Variants in DYRK2 observed in about 807,000 individuals in gnomAD.
DYRK2 encodes the protein dual specificity tyrosine phosphorylation regulated kinase 2.
DYRK2 carries 12 observed loss-of-function variants against 41.6 expected under a neutral mutation model. The ratio of observed to expected loss-of-function variants is 0.29; its 90% CI spans 0.18 to 0.47. DYRK2 has a LOEUF of 0.47. DYRK2 is among the 20% of genes least tolerant of loss of function. The pLI, the probability that DYRK2 is intolerant of heterozygous loss-of-function variation, is 1.00. For synonymous variants in DYRK2, 322 were observed against 315.7 expected, an observed-to-expected ratio of 1.02 and a Z score of -0.21; for missense variants, 678 against 798.4, an observed-to-expected ratio of 0.85 and a Z score of 1.82.
intron 1 of DYRK2, 28 bp from the exon 2 acceptor site, chr12:67,649,767 CTT>C (rs1872255591): frequency 7.6e-7 from 1 of 1,312,258 alleles, no homozygotes; most frequent in Admixed American, 3.1e-5. Context: ...CCCTGACCCT[CTT>C]TTGTCTCCTC....
chr12:67,658,404 G>C lies in DYRK2; in HGVS notation c.1497G>C (p.Ala499=). ...GPPESREWGN[A]LKGCDDPLFL... ...CGGAGAGCAGAGAGTGGGGGAACGC[G>C]CTGAAGGGGTGTGATGATCCCCTTT... Residue 499 remains alanine, a synonymous_variant, in exon 3 of 3, where the codon GCG becomes GCC. Transcript: ENST00000344096. This position sits in a 1 kb window ranked among gnomAD's most constrained non-coding sequence, Gnocchi z 4.3. 2 of 1,598,214 alleles carry C rather than the reference G, an allele frequency of 1.3e-6. No homozygotes were observed. Among genetic ancestry groups the C allele is most frequent in the Non-Finnish European group, 1.7e-6 (2 of 1,172,882 alleles).
rs940772065 is a variant in DYRK2, at chr12:67,664,829, C to G, written c.*6116C>G. The G allele has an allele frequency of 6.6e-6, 1 of 152,158 alleles. No individual in the cohort carries two copies. The highest frequency in any genetic ancestry group is 2.1e-4 in the South Asian group (1 of 4,832). 9.4% of individuals were successfully genotyped at this position (152,158 alleles called of 1,614,324 possible). A position where few individuals can be genotyped will look rare whatever the true frequency, so the allele number is the denominator to read the frequency against. On this transcript the variant is annotated 3_prime_UTR_variant, in exon 3 of 3. Transcript: ENST00000344096. ...ATAACTTAATGCATGTGCACACACC[C>G]TCAGTTAATTTGTAAGAGAGTGACT... is the stretch of plus-strand genomic sequence containing the variant.
intron 2 of DYRK2, 101 bp downstream of exon 2, chr12:67,650,046 C>T: frequency 8.4e-6 from 10 of 1,187,920 alleles, no homozygotes; most frequent in Non-Finnish European, 1.1e-5. Flanking sequence ...GAAGAGGGGT[C>T]GAGATACAAG....
At chr12:67,651,378 A>T in intron 2 of DYRK2, 1 of 309,214 alleles carries the variant, frequency 3.2e-6, no homozygotes, top group Non-Finnish European at 6.3e-6. Flanking sequence ...TGGAAAAAGA[A>T]CTATTTGGTT....
In DYRK2 at chr12:67,657,310, G is replaced by C; in HGVS notation, c.403G>C (p.Gly135Arg). The C allele has an allele frequency of 6.2e-7, 1 of 1,613,842 alleles. No homozygotes were observed. The highest frequency in any genetic ancestry group is 1.3e-5 in the African/African-American group (1 of 74,978). Residue 135 changes from glycine (G) to arginine (R), a missense_variant, in exon 3 of 3, where the codon GGG becomes CGG. Physicochemically the swap from Gly to Arg is moderately radical, Grantham distance 125. Transcript: ENST00000344096. This position sits in a 1 kb window ranked among gnomAD's most constrained non-coding sequence, Gnocchi z 4.8. ...GCTGGACAGCATTCATAGACGGCAG[G>C]GGAGCTCCACCTCTCTAAAGTCCAT... ...RQLDSIHRRQGSSTSLKSMEG... is the reference protein window; with the variant it reads ...RQLDSIHRRQRSSTSLKSMEG...
chr12:67,649,052 C>T lies in DYRK2; in HGVS notation c.-82C>T. 1 of 1,167,616 alleles carries T rather than the reference C, an allele frequency of 8.6e-7. No homozygotes were observed. The highest frequency in any genetic ancestry group is 1.1e-6 in the Non-Finnish European group (1 of 882,092). The allele number at this position is 1,167,616 out of a possible 1,614,324, so 72.3% of individuals were successfully genotyped here. On this transcript the variant is annotated 5_prime_UTR_variant, in exon 1 of 3. Coordinates refer to ENST00000344096, the MANE Select transcript of DYRK2 (RefSeq NM_006482.3). Reference sequence around the variant, plus strand: ...ACCCGCGCGAGGGGCGGCCGGGAGGCGGCGGCGGCGGCCGCCAGAAGTAGC... The same window carrying T: ...ACCCGCGCGAGGGGCGGCCGGGAGGTGGCGGCGGCGGCCGCCAGAAGTAGC...
chr12:67,657,109 G>A lies in DYRK2; in HGVS notation c.202G>A (p.Gly68Ser). 7 of 1,543,802 alleles carry A rather than the reference G, an allele frequency of 4.5e-6. No individual in the cohort carries two copies. The highest frequency in any genetic ancestry group is 6.1e-6 in the Non-Finnish European group (7 of 1,144,852). The change falls in exon 3 of 3, where the codon GGC (glycine) becomes AGC (serine). Residue 68 changes from glycine (G) to serine (S), a missense_variant. Physicochemically the swap from Gly to Ser is moderately conservative, Grantham distance 56. Around this residue, in one of 2 missense-constraint regions of DYRK2, gnomAD observed 285 missense variants for 279.2 expected, o/e 1.02. Transcript: ENST00000344096. The surrounding 1 kb of genome is among the most constrained non-coding windows in gnomAD (Gnocchi z 4.8). ...ATATTTCCTGTCTGAATTCCAGATT[G>A]GCGGCAGTAAGCACACAATGAATGA... is the stretch of plus-strand genomic sequence containing the variant. ...SNAAAAAHTI[G>S]GSKHTMNDHL...
chr12:67,660,226 A>G lies in DYRK2; in HGVS notation c.*1513A>G, dbSNP rs1872585917. 6.0e-6 allele frequency: 1 copy of G among 167,072 alleles called. No homozygotes were observed. The highest frequency in any genetic ancestry group is 1.5e-5 in the Non-Finnish European group (1 of 68,106). 10.3% of individuals were successfully genotyped at this position (167,072 alleles called of 1,614,324 possible). A position where few individuals can be genotyped will look rare whatever the true frequency, so the allele number is the denominator to read the frequency against. ...GTTTTGGGTAGTACAGATTAGGATA[A>G]GTAAGCTTATATATGCACAGAGATT... On this transcript the variant is annotated 3_prime_UTR_variant, in exon 3 of 3. Coordinates refer to ENST00000344096, the MANE Select transcript of DYRK2 (RefSeq NM_006482.3).
chr12:67,654,918 G>A (rs991569519), intron 2 of DYRK2, among the ~76,000 whole-genome samples: 16 of 152,240 alleles, frequency 1.1e-4, no homozygotes, highest in African/African-American at 3.9e-4. Context: ...TTCAGGATCA[G>A]TTGCAGGGGG....
chr12:67,660,146 A>G lies in DYRK2; in HGVS notation c.*1433A>G, dbSNP rs1219452833. 6.0e-6 allele frequency: 1 copy of G among 167,030 alleles called. No individual in the cohort carries two copies. Among genetic ancestry groups the G allele is most frequent in the Non-Finnish European group, 1.5e-5 (1 of 68,106 alleles). The allele number at this position is 167,030 out of a possible 1,614,324, so 10.3% of individuals were successfully genotyped here. A position where few individuals can be genotyped will look rare whatever the true frequency, so the allele number is the denominator to read the frequency against. On this transcript the variant is annotated 3_prime_UTR_variant, in exon 3 of 3. Coordinates refer to ENST00000344096, the MANE Select transcript of DYRK2 (RefSeq NM_006482.3). ...ATCAATTTCAAGGCACGTGAAAAAA[A>G]TTTTTTAGTATGTGCAATTTAATAT...
chr12:67,649,606 C>T lies in DYRK2; in HGVS notation c.50-191C>T, dbSNP rs906164640. The T allele has an allele frequency of 4.1e-5, 27 of 653,268 alleles. No homozygotes were observed. In the Admixed American group the frequency reaches 1.2e-3, roughly 29 times the overall value. The allele number at this position is 653,268 out of a possible 1,614,324, so 40.5% of individuals were successfully genotyped here. A position where few individuals can be genotyped will look rare whatever the true frequency, so the allele number is the denominator to read the frequency against. On this transcript the variant is annotated intron_variant, in intron 1 of 2. Transcript: ENST00000344096. ...CGCGCCAGGGCCCCACTTAACTTTGCAGCTGCCCGCGCCCCGCCCGTGGGT... is the reference window on the plus strand; with the variant it reads ...CGCGCCAGGGCCCCACTTAACTTTGTAGCTGCCCGCGCCCCGCCCGTGGGT...
chr12:67,651,681 T>TG, intron 2 of DYRK2: 1 of 453,626 alleles, frequency 2.2e-6, no homozygotes, highest in Non-Finnish European at 4.4e-6. Context: ...GTTTCGATGG[T>TG]GGTTTAGTTT....
intron 1 of DYRK2, among the ~76,000 whole-genome samples, chr12:67,649,390 G>C (rs1009231229): frequency 2.6e-5 from 4 of 151,732 alleles, no homozygotes; most frequent in African/African-American, 9.7e-5. Context: ...TCGGCCCGAA[G>C]AGGCTTCTGC....
At position 67,657,378 on chromosome 12, in the gene DYRK2, A is replaced by G. The variant is rs780144360; in HGVS notation, c.471A>G (p.Glu157=). 2.5e-6 allele frequency: 4 copies of G among 1,614,090 alleles called. No individual in the cohort carries two copies. The highest frequency in any genetic ancestry group is 2.7e-5 in the African/African-American group (2 of 74,934). Residue 157 remains glutamate (E), a synonymous_variant, in exon 3 of 3, where the codon GAA becomes GAG. Transcript: ENST00000344096. The surrounding 1 kb of genome is among the most constrained non-coding windows in gnomAD (Gnocchi z 4.8). ...TGAAAGCCACCCCCATGACACCTGA[A>G]CAAGCAATGAAGCAATACATGCAAA... ...GKVKATPMTP[E]QAMKQYMQKL...
rs947878294 is a variant in DYRK2 at position 67,657,609 on chromosome 12, G to T, written c.702G>T (p.Gly234=). 29 of 1,613,980 alleles carry T rather than the reference G, an allele frequency of 1.8e-5. No individual in the cohort carries two copies. Among genetic ancestry groups the T allele is most frequent in the Non-Finnish European group, 2.4e-5 (28 of 1,180,032 alleles). ...AGGTCATTGGGAAGGGGAGCTTTGG[G>T]CAGGTGGTCAAGGCCTACGATCACA... is the stretch of plus-strand genomic sequence containing the variant. ...VLKVIGKGSF[G]QVVKAYDHKV... Residue 234 remains glycine, a synonymous_variant, in exon 3 of 3, where the codon GGG becomes GGT. Coordinates refer to ENST00000344096, the MANE Select transcript of DYRK2 (RefSeq NM_006482.3). The surrounding 1 kb of genome is among the most constrained non-coding windows in gnomAD (Gnocchi z 4.8).
intron 2 of DYRK2, chr12:67,651,370 G>GA (rs1872317083): frequency 3.3e-6 from 1 of 304,424 alleles, no homozygotes; most frequent in Non-Finnish European, 6.4e-6. Context: ...GTGTGAGCTG[G>GA]AAAAAGAACT....
rs761733010 is a variant in DYRK2 at position 67,657,802 on chromosome 12, A to C, written c.895A>C (p.Met299Leu). 6.2e-7 allele frequency: 1 copy of C among 1,614,248 alleles called. No homozygotes were observed. Among genetic ancestry groups the C allele is most frequent in the Admixed American group, 1.7e-5 (1 of 60,024 alleles). Residue 299 changes from methionine (M) to leucine (L), a missense_variant, in exon 3 of 3, where the codon ATG (methionine) becomes CTG (leucine). Coordinates refer to ENST00000344096, the MANE Select transcript of DYRK2 (RefSeq NM_006482.3). This position sits in a 1 kb window ranked among gnomAD's most constrained non-coding sequence, Gnocchi z 4.8. ...ENFTFRNHIC[M>L]TFELLSMNLY... Reference sequence around the variant, plus strand: ...TTTCACCTTCCGCAACCACATCTGCATGACGTTTGAGCTGCTGAGCATGAA... The same window carrying C: ...TTTCACCTTCCGCAACCACATCTGCCTGACGTTTGAGCTGCTGAGCATGAA...
rs767310972 is a variant in DYRK2, at chr12:67,649,174, A to T, written c.41A>T (p.Tyr14Phe). The change falls in exon 1 of 3, where the codon TAC (tyrosine) becomes TTC (phenylalanine). Residue 14 changes from tyrosine (Y) to phenylalanine (F), a missense_variant. Tyr to Phe is a conservative substitution (Grantham distance 22). Coordinates refer to ENST00000344096, the MANE Select transcript of DYRK2 (RefSeq NM_006482.3). ...RKPSAAAPAAYPTGRGGDSAV... is the reference protein window; with the variant it reads ...RKPSAAAPAAFPTGRGGDSAV... ...CCTTCGGCCGCCGCTCCCGCCGCCTACCCGACCGGTAAGGAGGCCGTGCCG... is the reference window on the plus strand; with the variant it reads ...CCTTCGGCCGCCGCTCCCGCCGCCTTCCCGACCGGTAAGGAGGCCGTGCCG... The T allele has an allele frequency of 6.6e-7, 1 of 1,510,330 alleles. No homozygotes were observed. The highest frequency in any genetic ancestry group is 8.9e-7 in the Non-Finnish European group (1 of 1,125,038). The allele number at this position is 1,510,330 out of a possible 1,614,324, so 93.6% of individuals were successfully genotyped here. A position where few individuals can be genotyped will look rare whatever the true frequency, so the allele number is the denominator to read the frequency against.
In DYRK2 at chr12:67,658,175, C is replaced by T; in HGVS notation, c.1268C>T (p.Pro423Leu). 2 of 1,614,186 alleles carry T rather than the reference C, an allele frequency of 1.2e-6. No homozygotes were observed. Among genetic ancestry groups the T allele is most frequent in the South Asian group, 1.1e-5 (1 of 91,074 alleles). Reference sequence around the variant, plus strand: ...CTCCTGACGGGTTACCCCCTCTTGCCTGGGGAAGATGAAGGGGACCAGCTG... The same window carrying T: ...CTCCTGACGGGTTACCCCCTCTTGCTTGGGGAAGATGAAGGGGACCAGCTG... ...AELLTGYPLL[P>L]GEDEGDQLAC... is the part of the protein sequence containing the mutation. The change falls in exon 3 of 3, where the codon CCT becomes CTT. Residue 423 changes from proline (P) to leucine (L), a missense_variant. Pro to Leu is a moderately conservative substitution (Grantham distance 98). Coordinates refer to ENST00000344096, the MANE Select transcript of DYRK2 (RefSeq NM_006482.3). This position sits in a 1 kb window ranked among gnomAD's most constrained non-coding sequence, Gnocchi z 4.3.
Sources: allele counts gnomAD v4.1 joint callset (sites outside exome capture counted in the v4.1 genomes callset), GRCh38; gene constraint gnomAD v4.1.1; regional missense constraint gnomAD v4.1.1; non-coding constraint Gnocchi (gnomAD v3.1); transcripts MANE v1.5; gene names NCBI Gene and HGNC (gene_info 2026-07-23, HGNC 2026-07-21).